RUBCN: variants seen among roughly 807,000 people sequenced by gnomAD.
The protein encoded by RUBCN is run domain Beclin-1-interacting and cysteine-rich domain-containing protein.
RUBCN carries 74 observed loss-of-function variants against 113.2 expected under a neutral mutation model. The observed-to-expected ratio is 0.65, with a 90% CI of 0.54 to 0.79. The LOEUF (loss-of-function observed/expected upper bound fraction) is 0.79. Ranked by LOEUF, RUBCN falls within the 30% of genes least tolerant of loss-of-function variation. RUBCN has a pLI of 0.00. For missense variants in RUBCN, 1,109 were observed against 1,251.7 expected, an observed-to-expected ratio of 0.89 and a Z score of 1.72; for synonymous variants, 480 against 490.0, an observed-to-expected ratio of 0.98 and a Z score of 0.27.
At chr3:197,705,566 G>GAAAAAA (rs1023962921) in intron 2 of RUBCN, among the ~76,000 whole-genome samples, 348 of 40,032 alleles carry the variant, frequency 8.7e-3, no homozygotes, top group Middle Eastern at 0.012. Flanking sequence ...CCCTAACTCA[G>GAAAAAA]AAAAAAAAAA....
intron 1 of RUBCN, among the ~76,000 whole-genome samples, chr3:197,719,476 CAAAAAAAAAA>C (rs369029082): frequency 3.7e-5 from 2 of 54,262 alleles, no homozygotes; most frequent in African/African-American, 1.4e-4. Context: ...GAGATTGTCT[CAAAAAAAAAA>C]AAAAAAAAAA....
chr3:197,736,941 A>G, upstream of RUBCN: 2 of 1,336,856 alleles, frequency 1.5e-6, no homozygotes, highest in East Asian at 6.4e-5. Flanking sequence ...GCCCCCGGCG[A>G]GCACTCCGAG....
intron 17 of RUBCN, 65 bp downstream of exon 17, chr3:197,677,415 G>C: frequency 7.4e-7 from 1 of 1,349,546 alleles, no homozygotes; most frequent in Non-Finnish European, 1.1e-6. Context: ...AGAGCCAAGC[G>C]CGGGGATGTG....
intron 9 of RUBCN, among the ~76,000 whole-genome samples, chr3:197,695,165 C>A (rs888960892): frequency 2.0e-5 from 3 of 147,926 alleles, no homozygotes; most frequent in Non-Finnish European, 4.5e-5. Flanking sequence ...TGAATCCCAG[C>A]ACTCTGGGAG....
At chr3:197,698,591 CAAAA>C (rs1047067599) in intron 7 of RUBCN, among the ~76,000 whole-genome samples, 2 of 151,428 alleles carry the variant, frequency 1.3e-5, no homozygotes, top group East Asian at 3.9e-4. Flanking sequence ...AAACAAAAAA[CAAAA>C]AAACCAAACA....
chr3:197,697,145 C>T, intron 7 of RUBCN, 96 bp from the exon 8 acceptor site: 1 of 715,618 alleles, frequency 1.4e-6, no homozygotes, highest in South Asian at 1.4e-5. Flanking sequence ...TGCACCCCTT[C>T]CCAAAGCCCT....
chr3:197,705,245 T>C, intron 2 of RUBCN, 70 bp from the exon 3 acceptor site: 3 of 1,410,776 alleles, frequency 2.1e-6, no homozygotes, highest in South Asian at 2.3e-5. Flanking sequence ...AGGGTTGGCA[T>C]TCAAAGATAG....
At chr3:197,742,683 C>A (rs527594218) in intron 1 of RUBCN, among the ~76,000 whole-genome samples, 2 of 152,192 alleles carry the variant, frequency 1.3e-5, no homozygotes, top group East Asian at 1.9e-4. Flanking sequence ...TAGTCTCCCC[C>A]AGCCTGGGCT....
chr3:197,716,908 A>T (rs77221331), intron 2 of RUBCN, among the ~76,000 whole-genome samples: 218 of 151,974 alleles, frequency 1.4e-3, no homozygotes, highest in African/African-American at 4.8e-3. Flanking sequence ...GTCACTTGAG[A>T]CCAAGAATTC....
Position 197,682,687 on chromosome 3 carries a change from G to A in RUBCN, c.1981-72C>T. On this transcript the variant is annotated intron_variant, in intron 13 of 19. Coordinates refer to ENST00000296343, the MANE Select transcript of RUBCN (RefSeq NM_014687.4). Reference sequence around the variant, plus strand: ...CCCGTCATCTGGTGAGATGGGCAGTGAGTCAGGGATGGGCAGGAGAAAAAC... The same window carrying A: ...CCCGTCATCTGGTGAGATGGGCAGTAAGTCAGGGATGGGCAGGAGAAAAAC... The A allele has an allele frequency of 3.8e-6, 6 of 1,599,828 alleles. No homozygotes were observed. The South Asian group carries it at 6.6e-5, about 18-fold the overall frequency.
At position 197,675,560 on chromosome 3, in the gene RUBCN, A is replaced by C; in HGVS notation, c.2647-45T>G. 7.0e-7 allele frequency: 1 copy of C among 1,436,740 alleles called. No individual in the cohort carries two copies. 89.0% of individuals were successfully genotyped at this position (1,436,740 alleles called of 1,614,324 possible). A position where few individuals can be genotyped will look rare whatever the true frequency, so the allele number is the denominator to read the frequency against. ...ATGGCAAAATGAGGAGCGGCACATC[A>C]GGAACTGGCACGGGAGGGTGAACAC... On this transcript the variant is annotated intron_variant, in intron 18 of 19. Coordinates refer to ENST00000296343, the MANE Select transcript of RUBCN (RefSeq NM_014687.4). The surrounding 1 kb of genome is among the most constrained non-coding windows in gnomAD (Gnocchi z 4.4).
chr3:197,683,581 C>A lies in RUBCN; in HGVS notation c.1848-142G>T. On this transcript the variant is annotated intron_variant, in intron 12 of 19. Transcript: ENST00000296343. This position sits in a 1 kb window ranked among gnomAD's most constrained non-coding sequence, Gnocchi z 4.6. The stretch of plus-strand genomic sequence containing the variant: ...CACCCTGGCCTGCTCATCACCCTCA[C>A]ACATGGGACAGTCAAAGTCCACTAG... 1 of 903,580 alleles carries A rather than the reference C, an allele frequency of 1.1e-6. No individual in the cohort carries two copies. The highest frequency in any genetic ancestry group is 2.6e-5 in the East Asian group (1 of 37,980). The allele number at this position is 903,580 out of a possible 1,614,324, so 56.0% of individuals were successfully genotyped here.
At chr3:197,719,491 A>G (rs1041336022) in intron 1 of RUBCN, among the ~76,000 whole-genome samples, 2 of 151,336 alleles carry the variant, frequency 1.3e-5, no homozygotes, top group Admixed American at 6.6e-5. Context: ...AAAAAAAAAA[A>G]AAAAAAAGAA....
At chr3:197,699,080 G>T in intron 7 of RUBCN, 2 of 789,458 alleles carry the variant, frequency 2.5e-6, no homozygotes, top group South Asian at 1.5e-5. Flanking sequence ...ATCACAACAA[G>T]ACCAGGCTAG....
At chr3:197,703,711 G>A (rs1182598967) in intron 4 of RUBCN, 57 bp from the exon 5 acceptor site, 15 of 1,063,912 alleles carry the variant, frequency 1.4e-5, no homozygotes, top group Non-Finnish European at 2.2e-5. Flanking sequence ...CTTGAGAGAA[G>A]CTTGAGGAAG....
intron 18 of RUBCN, chr3:197,676,681 C>G (rs536388005): frequency 7.0e-7 from 1 of 1,432,754 alleles, no homozygotes; most frequent in Non-Finnish European, 9.1e-7. Flanking sequence ...AGCACCAGCT[C>G]CTCCCCTCAC....
chr3:197,705,107 G>C lies in RUBCN; in HGVS notation c.288C>G (p.Ala96=). ...KDIRWLSPHS[A]LHVEKFISVH... is the part of the protein sequence containing the mutation. ...TCACTCTTACCTTCTCCACGTGAAGGGCTGAGTGGGGACTGAGCCACCGGA... is the reference window on the plus strand; with the variant it reads ...TCACTCTTACCTTCTCCACGTGAAGCGCTGAGTGGGGACTGAGCCACCGGA... The change falls in exon 3 of 20, where the codon GCC becomes GCG. Residue 96 remains alanine (A), a synonymous_variant. Coordinates refer to ENST00000296343, the MANE Select transcript of RUBCN (RefSeq NM_014687.4). 2.5e-6 allele frequency: 4 copies of C among 1,613,896 alleles called. No individual in the cohort carries two copies. The highest frequency in any genetic ancestry group is 3.4e-6 in the Non-Finnish European group (4 of 1,179,854).
Position 197,672,239 on chromosome 3 carries a change from C to T in RUBCN, c.*2779G>A, listed in dbSNP as rs1010136121. ...TTCTGCTATGTCTTGAATCTTGTCT[C>T]CACCTGGTAAGCAAACTATGTTTTT... is the stretch of plus-strand genomic sequence containing the variant. On this transcript the variant is annotated 3_prime_UTR_variant, in exon 20 of 20. Transcript: ENST00000296343. 3 of 152,176 alleles carry T rather than the reference C, an allele frequency of 2.0e-5. No individual in the cohort carries two copies. Among genetic ancestry groups the T allele is most frequent in the African/African-American group, 7.2e-5 (3 of 41,446 alleles). 9.4% of individuals were successfully genotyped at this position (152,176 alleles called of 1,614,324 possible).
rs539620365 is a variant in RUBCN at position 197,717,465 on chromosome 3, G to C, written c.219+512C>G. Among the ~76,000 whole-genome samples, 169 of 151,884 alleles carry C rather than the reference G, an allele frequency of 1.1e-3. 1 individual carries two copies. The highest frequency in any genetic ancestry group is 3.0e-3 in the Admixed American group (45 of 15,254). ...TCTCAAAAAAAAAAAGGGGGGGGCA[G>C]AGAGAGATTTGAAGGTGCTATGCTG... On this transcript the variant is annotated intron_variant, in intron 2 of 19. Coordinates refer to ENST00000296343, the MANE Select transcript of RUBCN (RefSeq NM_014687.4).
Sources: gnomAD v4.1 joint callset for allele counts (sites outside exome capture counted in the v4.1 genomes callset) on GRCh38, gnomAD v4.1.1 for gene constraint, Gnocchi (gnomAD v3.1) non-coding constraint, MANE v1.5 for transcripts, NCBI Gene and HGNC (gene_info 2026-07-23, HGNC 2026-07-21) for gene names.